ANKHD1: variants seen among roughly 807,000 people sequenced by gnomAD.
The protein encoded by ANKHD1 is ankyrin repeat and KH domain-containing protein 1.
ANKHD1 carries 31 observed loss-of-function variants against 230.5 expected under a neutral mutation model. The ratio of observed to expected loss-of-function variants is 0.13; its 90% CI spans 0.10 to 0.18. ANKHD1 has a LOEUF of 0.18. Among genes scored for constraint, ANKHD1 ranks in the 10% least tolerant of loss-of-function variants. The pLI is 1.00. For synonymous variants in ANKHD1, 1,074 were observed against 1,117.6 expected, an observed-to-expected ratio of 0.96 and a Z score of 0.78; for missense variants, 2,256 against 3,071.3, an observed-to-expected ratio of 0.73 and a Z score of 6.27.
At chr5:140,424,428 G>A (rs1287024554) in intron 1 of ANKHD1, among the ~76,000 whole-genome samples, 2 of 152,002 alleles carry the variant, frequency 1.3e-5, no homozygotes, top group Non-Finnish European at 2.9e-5. Flanking sequence ...TGACTCCTCC[G>A]GTGCATGCTA....
chr5:140,510,309 C>CTTT (rs34693244), intron 22 of ANKHD1, 128 bp downstream of exon 22: 6,364 of 536,980 alleles, frequency 0.012, 31 homozygotes, highest in East Asian at 0.028. Flanking sequence ...TCTTTCCATT[C>CTTT]TTTTTTTTTT....
chr5:140,520,680 C>CA (rs1753297258), intron 24 of ANKHD1, among the ~76,000 whole-genome samples: 1 of 148,482 alleles, frequency 6.7e-6, no homozygotes, highest in African/African-American at 2.5e-5. Context: ...ATTGCAAGAA[C>CA]AAAAAACCAA....
chr5:140,432,761 A>G (rs1008064922), intron 1 of ANKHD1, among the ~76,000 whole-genome samples: 4 of 152,062 alleles, frequency 2.6e-5, no homozygotes, highest in Non-Finnish European at 4.4e-5. Flanking sequence ...CACATGGAAT[A>G]CAGTCGTACA....
At chr5:140,479,485 C>T (rs563616846) in intron 10 of ANKHD1, among the ~76,000 whole-genome samples, 1 of 152,022 alleles carries the variant, frequency 6.6e-6, no homozygotes, top group East Asian at 1.9e-4. Flanking sequence ...ATGACTAAAT[C>T]CAATGCTCAT....
intron 24 of ANKHD1, among the ~76,000 whole-genome samples, chr5:140,515,115 T>C (rs572455700): frequency 6.6e-6 from 1 of 151,780 alleles, no homozygotes; most frequent in African/African-American, 2.4e-5. Context: ...CCGTCTCTGC[T>C]AAAAATACAA....
Position 140,455,741 on chromosome 5 carries a change from AC to A in ANKHD1, c.1243-2880del, listed in dbSNP as rs1303321529. 3.3e-5 allele frequency among the ~76,000 whole-genome samples: 5 copies of A among 152,252 alleles called. No homozygotes were observed. The East Asian group carries it at 9.6e-4, about 29-fold the overall frequency. ...AAAATAATAAGAGCTATCTATGACA[AC>A]CCCACAGCCAATATCATACTGAATG... On this transcript the variant is annotated intron_variant, in intron 7 of 33. Coordinates refer to ENST00000360839, the MANE Select transcript of ANKHD1 (RefSeq NM_017747.3).
At chr5:140,471,297 G>A (rs1776480563) in intron 10 of ANKHD1, among the ~76,000 whole-genome samples, 1 of 152,084 alleles carries the variant, frequency 6.6e-6, no homozygotes, top group Non-Finnish European at 1.5e-5. Context: ...TTATTTGAAG[G>A]TATTGGGGAA....
chr5:140,452,386 A>C (rs1427776954), intron 7 of ANKHD1, among the ~76,000 whole-genome samples: 1 of 152,162 alleles, frequency 6.6e-6, no homozygotes, highest in Non-Finnish European at 1.5e-5. Flanking sequence ...TTCTCCAAGC[A>C]CGGAGTTTGA....
intron 7 of ANKHD1, among the ~76,000 whole-genome samples, chr5:140,450,844 A>C (rs1774677668): frequency 2.0e-5 from 3 of 152,032 alleles, no homozygotes; most frequent in Non-Finnish European, 2.9e-5. Flanking sequence ...TGTTAGCAGA[A>C]TCTATCAAAA....
intron 8 of ANKHD1, 71 bp from the exon 9 acceptor site, chr5:140,459,093 C>G: frequency 7.6e-7 from 1 of 1,311,352 alleles, no homozygotes; most frequent in Non-Finnish European, 9.8e-7. Context: ...ATGATTATCA[C>G]AATTCAGAAA....
Position 140,417,521 on chromosome 5 carries a change from T to C in ANKHD1, c.306+15248T>C, listed in dbSNP as rs535491003. ...TTGAGTGTAGTGGCACGATCTTGGC[T>C]TACTGCAACCTCCACCTCCAGAGCT... On this transcript the variant is annotated intron_variant, in intron 1 of 33. Coordinates refer to ENST00000360839, the MANE Select transcript of ANKHD1 (RefSeq NM_017747.3). Among the ~76,000 whole-genome samples, 14 of 152,228 alleles carry C rather than the reference T, an allele frequency of 9.2e-5. No homozygotes were observed. In the South Asian group the frequency reaches 2.9e-3, roughly 32 times the overall value.
chr5:140,435,621 C>A (rs1293213996), intron 1 of ANKHD1, among the ~76,000 whole-genome samples: 1 of 151,974 alleles, frequency 6.6e-6, no homozygotes, highest in Non-Finnish European at 1.5e-5. Flanking sequence ...CCAGGTAATC[C>A]CCCTGCCTCA....
intron 14 of ANKHD1, among the ~76,000 whole-genome samples, chr5:140,491,816 G>A (rs1258058730): frequency 6.6e-6 from 1 of 152,114 alleles, no homozygotes. Flanking sequence ...TCTTTATATG[G>A]TCTACTATGC....
chr5:140,511,163 T>C (rs953495153), intron 22 of ANKHD1, among the ~76,000 whole-genome samples: 40 of 152,192 alleles, frequency 2.6e-4, no homozygotes, highest in African/African-American at 9.2e-4. Flanking sequence ...TATATTAAAG[T>C]TCACTTATCT....
intron 6 of ANKHD1, among the ~76,000 whole-genome samples, 200 bp from the exon 7 acceptor site, chr5:140,449,011 A>G (rs1448638886): frequency 6.6e-6 from 1 of 152,198 alleles, no homozygotes; most frequent in Admixed American, 6.5e-5. Flanking sequence ...CAGTCTTTAA[A>G]GCCTAGATAA....
At chr5:140,438,875 A>G (rs73265785) in intron 3 of ANKHD1, among the ~76,000 whole-genome samples, 2,011 of 152,322 alleles carry the variant, frequency 0.013, 50 homozygotes, top group African/African-American at 0.046. Flanking sequence ...TCCAAACTGA[A>G]TAAGATCTGT....
intron 1 of ANKHD1, among the ~76,000 whole-genome samples, chr5:140,409,528 TTA>T (rs1770751756): frequency 6.7e-6 from 1 of 149,688 alleles, no homozygotes; most frequent in African/African-American, 2.5e-5. Context: ...ATAAAAAGAA[TTA>T]TATGTTATTA....
chr5:140,478,869 C>G (rs1338576408), intron 10 of ANKHD1, among the ~76,000 whole-genome samples: 1 of 152,078 alleles, frequency 6.6e-6, no homozygotes, highest in Non-Finnish European at 1.5e-5. Flanking sequence ...GTCTGGAACT[C>G]CTGACCTCAG....
rs1754031084 is a variant in ANKHD1, at chr5:140,535,556, A to G, written c.7027+18A>G. 2 of 1,565,486 alleles carry G rather than the reference A, an allele frequency of 1.3e-6. No homozygotes were observed. The highest frequency in any genetic ancestry group is 1.7e-6 in the Non-Finnish European group (2 of 1,162,116). On this transcript the variant is annotated intron_variant, in intron 30 of 33. Coordinates refer to ENST00000360839, the MANE Select transcript of ANKHD1 (RefSeq NM_017747.3). ...AAACTCATGTAGGAATCCTGGAGGA[A>G]CTCTTCCCAAAGAGTTTTGAATAAG...
Sources: allele counts gnomAD v4.1 joint callset (sites outside exome capture counted in the v4.1 genomes callset), GRCh38; gene constraint gnomAD v4.1.1; transcripts MANE v1.5; gene names NCBI Gene and HGNC (gene_info 2026-07-23, HGNC 2026-07-21).